Variants in CDH8 observed in about 807,000 individuals in gnomAD.
CDH8 encodes cadherin-8.
Under a neutral mutation model 68.1 loss-of-function variants are expected in CDH8, and 17 were observed. The observed-to-expected ratio is 0.25, with a 90% CI of 0.17 to 0.37. The LOEUF is 0.37. CDH8 is among the 10% of genes least tolerant of loss of function. The pLI, the probability that CDH8 is intolerant of heterozygous loss-of-function variation, is 1.00. For missense variants in CDH8, 763 were observed against 999.3 expected (o/e 0.76, Z 3.19); for synonymous variants, 372 against 365.1 (o/e 1.02, Z -0.21).
chr16:61,666,968 G>A lies in CDH8; in HGVS notation c.1655-11247C>T, dbSNP rs187074634. ...TTTATACCTTTCTACTCTAAATAAT[G>A]AGTCTTGTTGGAAACAGTTGCAGTG... On this transcript the variant is annotated intron_variant, in intron 10 of 11. Coordinates refer to ENST00000577390, the MANE Select transcript of CDH8 (RefSeq NM_001796.5). Among the ~76,000 whole-genome samples the A allele has an allele frequency of 2.3e-3, 346 of 152,064 alleles. 1 individual carries two copies. Among genetic ancestry groups the A allele is most frequent in the African/African-American group, 8.1e-3 (336 of 41,516 alleles).
chr16:61,930,050 G>T (rs1674370838), intron 2 of CDH8, among the ~76,000 whole-genome samples: 1 of 152,096 alleles, frequency 6.6e-6, no homozygotes, highest in African/African-American at 2.4e-5. Context: ...ATATGTAAGA[G>T]ATGGCATTTA....
intron 7 of CDH8, among the ~76,000 whole-genome samples, chr16:61,791,171 T>G (rs1961368487): frequency 1.3e-5 from 2 of 152,018 alleles, no homozygotes; most frequent in Non-Finnish European, 1.5e-5. Flanking sequence ...CTTTTACCTG[T>G]ACACTAGGCA....
chr16:62,023,859 T>C (rs537909661), intron 1 of CDH8, among the ~76,000 whole-genome samples: 1 of 152,244 alleles, frequency 6.6e-6, no homozygotes, highest in East Asian at 1.9e-4. Flanking sequence ...TAGACCATAC[T>C]TGAATGTGCA....
rs537929968 is a variant in CDH8 at position 61,774,655 on chromosome 16, C to T, written c.1414+14691G>A. On this transcript the variant is annotated intron_variant, in intron 8 of 11. Transcript: ENST00000577390. ...ATTATACTAATTCATTATTTCCTTT[C>T]TTCATTCATTCAGTCATTTAACCAA... Among the ~76,000 whole-genome samples, 5 of 152,140 alleles carry T rather than the reference C, an allele frequency of 3.3e-5. No homozygotes were observed. The South Asian group carries it at 8.3e-4, about 25-fold the overall frequency.
chr16:61,733,402 AT>A (rs909440420), intron 8 of CDH8, among the ~76,000 whole-genome samples: 21 of 151,976 alleles, frequency 1.4e-4, no homozygotes, highest in Non-Finnish European at 2.2e-4. Flanking sequence ...GCAAAAAAAA[AT>A]CTTTATGCTG....
At chr16:61,767,053 T>G (rs1045716005) in intron 8 of CDH8, among the ~76,000 whole-genome samples, 1 of 151,960 alleles carries the variant, frequency 6.6e-6, no homozygotes. Context: ...TTGAAGAGTA[T>G]GGAAATATTC....
In CDH8 at chr16:61,653,314, G is replaced by C; in HGVS notation, c.*294C>G. On this transcript the variant is annotated 3_prime_UTR_variant, in exon 12 of 12. Coordinates refer to ENST00000577390, the MANE Select transcript of CDH8 (RefSeq NM_001796.5). ...TCCTCTATTTAAACCATTTATCTAA[G>C]GATTAGCCAGGATCCCAATCTTTGT... The C allele has an allele frequency of 1.7e-6, 2 of 1,199,598 alleles. No individual in the cohort carries two copies. The highest frequency in any genetic ancestry group is 2.1e-6 in the Non-Finnish European group (2 of 969,586). 74.3% of individuals were successfully genotyped at this position (1,199,598 alleles called of 1,614,324 possible).
intron 8 of CDH8, among the ~76,000 whole-genome samples, chr16:61,788,278 T>G (rs1413876429): frequency 6.6e-6 from 1 of 152,128 alleles, no homozygotes; most frequent in Non-Finnish European, 1.5e-5. Flanking sequence ...CACAGAGATA[T>G]TTCCCCTGTT....
At chr16:61,900,298 T>C (rs1211924563) in intron 3 of CDH8, among the ~76,000 whole-genome samples, 1 of 152,160 alleles carries the variant, frequency 6.6e-6, no homozygotes, top group Non-Finnish European at 1.5e-5. Flanking sequence ...CTTTACTACA[T>C]AGCATGCACC....
At chr16:61,963,032 A>C (rs74021707) in intron 2 of CDH8, among the ~76,000 whole-genome samples, 2,673 of 152,232 alleles carry the variant, frequency 0.018, 90 homozygotes, top group African/African-American at 0.061. Flanking sequence ...TTTACCTTAA[A>C]ATTTTTCCTG....
intron 8 of CDH8, among the ~76,000 whole-genome samples, chr16:61,729,069 G>A (rs906232784): frequency 4.0e-5 from 6 of 151,038 alleles, no homozygotes; most frequent in African/African-American, 7.3e-5. Flanking sequence ...AATATTTCAC[G>A]TAATCATATT....
intron 2 of CDH8, among the ~76,000 whole-genome samples, chr16:61,913,370 T>C (rs1964189873): frequency 6.6e-6 from 1 of 152,184 alleles, no homozygotes; most frequent in African/African-American, 2.4e-5. Context: ...ATTTGTCATC[T>C]AGATTATTTA....
At position 61,653,559 on chromosome 16, in the gene CDH8, T is replaced by C. The variant is rs766683523; in HGVS notation, c.*49A>G. The stretch of plus-strand genomic sequence containing the variant: ...TGGTTGTATCTAAGGGGAGTGACCC[T>C]AGAATATTACAGAATGCTCAGTTCC... On this transcript the variant is annotated 3_prime_UTR_variant, in exon 12 of 12. Transcript: ENST00000577390. 1 of 1,551,680 alleles carries C rather than the reference T, an allele frequency of 6.4e-7. No individual in the cohort carries two copies.
intron 4 of CDH8, among the ~76,000 whole-genome samples, chr16:61,835,579 A>G (rs1342256288): frequency 3.3e-5 from 5 of 151,934 alleles, no homozygotes; most frequent in Non-Finnish European, 2.9e-5. Flanking sequence ...TAAATTGCCA[A>G]TTTTGAGTTA....
At chr16:61,867,936 C>G (rs577580562) in intron 3 of CDH8, among the ~76,000 whole-genome samples, 2 of 152,140 alleles carry the variant, frequency 1.3e-5, no homozygotes, top group South Asian at 4.1e-4. Flanking sequence ...TTCTTATTCT[C>G]TCAACTTTCC....
intron 8 of CDH8, among the ~76,000 whole-genome samples, chr16:61,766,151 C>T (rs1169175724): frequency 2.0e-5 from 3 of 151,520 alleles, no homozygotes; most frequent in African/African-American, 7.3e-5. Context: ...CCCACCCTAC[C>T]CCCTTCTGAG....
chr16:61,815,363 G>A (rs1962049028), intron 7 of CDH8, among the ~76,000 whole-genome samples: 1 of 152,114 alleles, frequency 6.6e-6, no homozygotes, highest in Non-Finnish European at 1.5e-5. Flanking sequence ...ACTGGAATTA[G>A]TATCAGTAAA....
At chr16:61,858,314 A>G (rs1180326787) in intron 3 of CDH8, among the ~76,000 whole-genome samples, 1 of 152,204 alleles carries the variant, frequency 6.6e-6, no homozygotes, top group Non-Finnish European at 1.5e-5. Flanking sequence ...AACCAGGAGA[A>G]GGAATTCTAA....
At chr16:61,701,280 T>TA (rs1303355276) in intron 10 of CDH8, among the ~76,000 whole-genome samples, 1 of 152,210 alleles carries the variant, frequency 6.6e-6, no homozygotes, top group African/African-American at 2.4e-5. Flanking sequence ...TACACTGGTC[T>TA]AGGTGAGGGC....
Sources: allele counts gnomAD v4.1 joint callset (sites outside exome capture counted in the v4.1 genomes callset), GRCh38; gene constraint gnomAD v4.1.1; transcripts MANE v1.5; gene names NCBI Gene and HGNC (gene_info 2026-07-23, HGNC 2026-07-21).